The following AIG1 variants were observed in gnomAD, a reference collection of about 807,000 sequenced individuals.
AIG1 encodes androgen-induced gene 1 protein.
In AIG1, 23 loss-of-function variants were observed where a neutral mutation model predicts 31.4. The observed-to-expected ratio is 0.73, with a 90% confidence interval of 0.53 to 1.04. AIG1 has a LOEUF of 1.04. AIG1 is among the 50% of genes least tolerant of loss of function. The probability of loss-of-function intolerance (pLI) is 0.00; values close to 1 mark genes in which losing one functional copy is unlikely to be tolerated. For missense variants in AIG1, 274 were observed against 295.0 expected (o/e 0.93, Z 0.52); for synonymous variants, 100 against 110.5 (o/e 0.90, Z 0.60).
intron 1 of AIG1, among the ~76,000 whole-genome samples, chr6:143,078,081 ATTGT>A (rs752631767): frequency 3.7e-4 from 56 of 151,898 alleles, no homozygotes; most frequent in Non-Finnish European, 6.6e-4. Flanking sequence ...TGTTTTTTAG[ATTGT>A]TTAATTTCTA....
intron 1 of AIG1, among the ~76,000 whole-genome samples, chr6:143,085,344 A>G (rs1037290448): frequency 1.3e-5 from 2 of 152,112 alleles, no homozygotes; most frequent in Non-Finnish European, 2.9e-5. Context: ...CCTTTCCAGG[A>G]CGTATAACAA....
At chr6:143,305,859 T>G (rs1053128587) in intron 4 of AIG1, among the ~76,000 whole-genome samples, 114 of 152,210 alleles carry the variant, frequency 7.5e-4, no homozygotes, top group African/African-American at 2.5e-3. Flanking sequence ...TGTGGGAGTC[T>G]AAGTCTCTTT....
chr6:143,199,994 GAT>G (rs1194304533), intron 3 of AIG1, among the ~76,000 whole-genome samples: 2 of 152,216 alleles, frequency 1.3e-5, no homozygotes, highest in African/African-American at 4.8e-5. Context: ...AAGAACATGT[GAT>G]AGTTTCCTGG....
At chr6:143,286,731 T>C (rs1583742244) in intron 4 of AIG1, among the ~76,000 whole-genome samples, 1 of 152,058 alleles carries the variant, frequency 6.6e-6, no homozygotes, top group South Asian at 2.1e-4. Context: ...ATAAAAGAAA[T>C]AGATGGCCTG....
rs770208005 is a variant in AIG1 at position 143,334,100 on chromosome 6, G to T, written c.679+655G>T. 1.3e-6 allele frequency: 2 copies of T among 1,549,874 alleles called. No homozygotes were observed. Among genetic ancestry groups the T allele is most frequent in the Non-Finnish European group, 1.7e-6 (2 of 1,146,740 alleles). On this transcript the variant is annotated intron_variant, in intron 5 of 5. Transcript: ENST00000357847. This position sits in a 1 kb window ranked among gnomAD's most constrained non-coding sequence, Gnocchi z 5.1. ...CAGAGCCTCCATCTTGGCAAGGCAC[G>T]TAATCTTATCCAAGCTGTGCAAAAC...
chr6:143,316,020 A>T (rs1290161808), intron 4 of AIG1, among the ~76,000 whole-genome samples: 2 of 152,046 alleles, frequency 1.3e-5, no homozygotes, highest in African/African-American at 4.8e-5. Flanking sequence ...CAGTATATAG[A>T]TATTGTTAAG....
intron 2 of AIG1, among the ~76,000 whole-genome samples, chr6:143,151,173 C>A (rs1785190496): frequency 6.6e-6 from 1 of 152,056 alleles, no homozygotes; most frequent in Non-Finnish European, 1.5e-5. Flanking sequence ...AAAATCCACA[C>A]CAATTTCCAC....
At chr6:143,262,242 C>G (rs1300445900) in intron 3 of AIG1, among the ~76,000 whole-genome samples, 1 of 152,126 alleles carries the variant, frequency 6.6e-6, no homozygotes, top group Non-Finnish European at 1.5e-5. Context: ...CTTACATAAT[C>G]CAAGTAGCAT....
intron 1 of AIG1, among the ~76,000 whole-genome samples, chr6:143,073,350 G>A (rs1777463391): frequency 6.6e-6 from 1 of 152,172 alleles, no homozygotes; most frequent in Non-Finnish European, 1.5e-5. Flanking sequence ...AGATATCTTT[G>A]TGAGATGGTG....
intron 1 of AIG1, among the ~76,000 whole-genome samples, chr6:143,096,368 G>C (rs1779795228): frequency 6.6e-6 from 1 of 152,168 alleles, no homozygotes; most frequent in Admixed American, 6.5e-5. Flanking sequence ...CTTCATTGCT[G>C]TTTACATGAA....
At position 143,125,195 on chromosome 6, in the gene AIG1, C is replaced by T. The variant is rs1045765450; in HGVS notation, c.142-11640C>T. Among the ~76,000 whole-genome samples the T allele has an allele frequency of 1.1e-4, 16 of 152,234 alleles. No homozygotes were observed. The East Asian group carries it at 2.5e-3, about 24-fold the overall frequency. On this transcript the variant is annotated intron_variant, in intron 1 of 5. Coordinates refer to ENST00000357847, the MANE Select transcript of AIG1 (RefSeq NM_016108.4). ...TTTTACAAAGTTAGAAAATTTACTG[C>T]ACTTCAGAACATGATCAAAGATGCA...
At chr6:143,156,140 C>T (rs567263601) in intron 2 of AIG1, among the ~76,000 whole-genome samples, 193 of 152,238 alleles carry the variant, frequency 1.3e-3, no homozygotes, top group Middle Eastern at 3.4e-3. Context: ...TTGGTGCAAA[C>T]GTAATTGTGC....
At chr6:143,261,414 G>A (rs1036557079) in intron 3 of AIG1, among the ~76,000 whole-genome samples, 13 of 152,180 alleles carry the variant, frequency 8.5e-5, no homozygotes, top group African/African-American at 3.1e-4. Context: ...TTACAGATGT[G>A]AGCCAATGCG....
intron 1 of AIG1, among the ~76,000 whole-genome samples, chr6:143,132,353 T>C (rs1001113901): frequency 6.6e-6 from 1 of 152,202 alleles, no homozygotes; most frequent in Non-Finnish European, 1.5e-5. Context: ...AAAAAGTCTT[T>C]CACCTTTGAG....
At chr6:143,236,786 A>G (rs931690719) in intron 3 of AIG1, among the ~76,000 whole-genome samples, 17 of 152,242 alleles carry the variant, frequency 1.1e-4, no homozygotes, top group Non-Finnish European at 2.9e-5. Flanking sequence ...AACCTAAATG[A>G]CACTGCTTTG....
chr6:143,113,273 A>C (rs1186256508), intron 1 of AIG1, among the ~76,000 whole-genome samples: 2 of 152,022 alleles, frequency 1.3e-5, no homozygotes, highest in Non-Finnish European at 2.9e-5. Flanking sequence ...GCCTTGAAAG[A>C]TTCATTCTAC....
At position 143,279,428 on chromosome 6, in the gene AIG1, A is replaced by G. The variant is rs77990700; in HGVS notation, c.400-4682A>G. ...ACTAGATCTCAGATGCCAGCCTCCT[A>G]ATCTTTCCACTTCATTACACTGCTG... is the stretch of plus-strand genomic sequence containing the variant. On this transcript the variant is annotated intron_variant, in intron 3 of 5. Coordinates refer to ENST00000357847, the MANE Select transcript of AIG1 (RefSeq NM_016108.4). The surrounding 1 kb of genome is among the most constrained non-coding windows in gnomAD (Gnocchi z 5.4). Among the ~76,000 whole-genome samples, 269 of 152,300 alleles carry G rather than the reference A, an allele frequency of 1.8e-3. No individual in the cohort carries two copies. The highest frequency in any genetic ancestry group is 6.2e-3 in the African/African-American group (258 of 41,564).
chr6:143,101,099 C>G (rs1780236971), intron 1 of AIG1, among the ~76,000 whole-genome samples: 1 of 151,770 alleles, frequency 6.6e-6, no homozygotes, highest in African/African-American at 2.4e-5. Context: ...TTTTTGCTTA[C>G]TGATGCTTTA....
rs1030318293 is a variant in AIG1 at position 143,330,236 on chromosome 6, A to G, written c.516-3046A>G. On this transcript the variant is annotated intron_variant, in intron 4 of 5. Coordinates refer to ENST00000357847, the MANE Select transcript of AIG1 (RefSeq NM_016108.4). This position sits in a 1 kb window ranked among gnomAD's most constrained non-coding sequence, Gnocchi z 4.4. ...TTGAATAGACAATAAACAGACAAAT[A>G]AAAATAAGTAGAGTATATTATTTGG... Among the ~76,000 whole-genome samples the G allele has an allele frequency of 6.6e-6, 1 of 152,216 alleles. No homozygotes were observed. Among genetic ancestry groups the G allele is most frequent in the African/African-American group, 2.4e-5 (1 of 41,458 alleles).
Sources: allele counts gnomAD v4.1 joint callset (sites outside exome capture counted in the v4.1 genomes callset), GRCh38; gene constraint gnomAD v4.1.1; non-coding constraint Gnocchi (gnomAD v3.1); transcripts MANE v1.5; gene names NCBI Gene and HGNC (gene_info 2026-07-23, HGNC 2026-07-21).